The following ALOX5AP variants were observed in gnomAD, a reference collection of about 807,000 sequenced individuals.
ALOX5AP encodes arachidonate 5-lipoxygenase-activating protein.
ALOX5AP carries 9 observed loss-of-function variants against 18.5 expected under a neutral mutation model. The ratio of observed to expected loss-of-function variants is 0.49; its 90% CI spans 0.29 to 0.85. ALOX5AP has a LOEUF of 0.85. Ranked by LOEUF, ALOX5AP falls within the 40% of genes least tolerant of loss-of-function variation. ALOX5AP has a pLI of 0.08. For missense variants in ALOX5AP, 172 were observed against 202.5 expected, an observed-to-expected ratio of 0.85 and a Z score of 0.91; for synonymous variants, 81 against 78.6, an observed-to-expected ratio of 1.03 and a Z score of -0.16.
chr13:30,746,701 C>T (rs1167147894), intron 2 of ALOX5AP, among the ~76,000 whole-genome samples: 3 of 152,208 alleles, frequency 2.0e-5, no homozygotes, highest in Non-Finnish European at 4.4e-5. Flanking sequence ...ACCCATGAGG[C>T]TGCAGGAAGA....
At chr13:30,735,276 ATGG>A (rs1342187802), upstream of ALOX5AP, among the ~76,000 whole-genome samples, 1 of 152,036 alleles carries the variant, frequency 6.6e-6, no homozygotes, top group African/African-American at 2.4e-5. Flanking sequence ...CGTGCTGGTC[ATGG>A]TCTTGGGTCC....
chr13:30,720,355 C>A (rs1195804004), intron 1 of ALOX5AP, among the ~76,000 whole-genome samples: 1 of 152,174 alleles, frequency 6.6e-6, no homozygotes, highest in Admixed American at 6.5e-5. Flanking sequence ...TGTGTGAGAA[C>A]ATCTGTTTTT....
intron 2 of ALOX5AP, 87 bp from the exon 3 acceptor site, chr13:30,751,965 A>T: frequency 7.9e-7 from 1 of 1,267,286 alleles, no homozygotes; most frequent in Non-Finnish European, 1.1e-6. Flanking sequence ...GATGGTGATT[A>T]TTAACTTCAA....
At chr13:30,746,434 G>A (rs1358331425) in intron 2 of ALOX5AP, among the ~76,000 whole-genome samples, 2 of 152,256 alleles carry the variant, frequency 1.3e-5, no homozygotes, top group Non-Finnish European at 2.9e-5. Context: ...AAACTGTCTG[G>A]ACACTGCTGC....
In ALOX5AP at chr13:30,763,806, A is replaced by C. The variant is rs943092114; in HGVS notation, c.324-138A>C. 3.4e-5 allele frequency: 27 copies of C among 797,962 alleles called. No homozygotes were observed. The African/African-American group carries it at 4.2e-4, about 12-fold the overall frequency. 49.4% of individuals were successfully genotyped at this position (797,962 alleles called of 1,614,324 possible). On this transcript the variant is annotated intron_variant, in intron 4 of 4. Transcript: ENST00000380490. The stretch of plus-strand genomic sequence containing the variant: ...ACACTTCTACCCTTCAAATGAAGTA[A>C]ATGGGAAAATGGAGCATTGTTGAGT...
rs990621919 is a variant in ALOX5AP at position 30,760,389 on chromosome 13, G to A, written c.324-3555G>A. Among the ~76,000 whole-genome samples the A allele has an allele frequency of 3.3e-5, 5 of 152,224 alleles. No individual in the cohort carries two copies. The East Asian group carries it at 7.7e-4, about 24-fold the overall frequency. ...GGGATTATAGGCATGAGCCACCCAC[G>A]ATGCCTGGGTGGAACTCAGGGCTCT... is the stretch of plus-strand genomic sequence containing the variant. On this transcript the variant is annotated intron_variant, in intron 4 of 4. Transcript: ENST00000380490.
chr13:30,741,771 T>C (rs1951767455), intron 1 of ALOX5AP, among the ~76,000 whole-genome samples: 2 of 151,162 alleles, frequency 1.3e-5, no homozygotes, highest in South Asian at 2.1e-4. Context: ...TACTGTATTG[T>C]TAAAAGACAG....
At position 30,724,544 on chromosome 13, in the gene ALOX5AP, G is replaced by T. The variant is rs574626138; in HGVS notation, c.116+10703G>T. Among the ~76,000 whole-genome samples the T allele has an allele frequency of 5.9e-5, 9 of 152,324 alleles. No homozygotes were observed. In the South Asian group the frequency reaches 1.5e-3, roughly 25 times the overall value. On this transcript the variant is annotated intron_variant, in intron 1 of 5. Coordinates refer to the ALOX5AP transcript ENST00000617770. The stretch of plus-strand genomic sequence containing the variant: ...TGCTTAAAGTGGCTGTGATGGAAAA[G>T]GAGGCTGTTTGGAGCCTTTGGAGTG...
At chr13:30,730,178 T>A (rs1370604560) in intron 1 of ALOX5AP, among the ~76,000 whole-genome samples, 1 of 152,260 alleles carries the variant, frequency 6.6e-6, no homozygotes, top group Admixed American at 6.5e-5. Flanking sequence ...ATCAATAGCA[T>A]ATGAGGTTAC....
chr13:30,762,391 C>T (rs577574896), intron 4 of ALOX5AP, among the ~76,000 whole-genome samples: 1 of 152,060 alleles, frequency 6.6e-6, no homozygotes, highest in African/African-American at 2.4e-5. Context: ...GAGTTCGAGA[C>T]CAGCCTGGCC....
At chr13:30,749,955 G>T (rs1270628490) in intron 2 of ALOX5AP, among the ~76,000 whole-genome samples, 1 of 152,114 alleles carries the variant, frequency 6.6e-6, no homozygotes, top group African/African-American at 2.4e-5. Context: ...CTAATGGTTT[G>T]CATGAGCAGT....
intron 1 of ALOX5AP, among the ~76,000 whole-genome samples, chr13:30,728,459 G>GTA (rs141090965): frequency 0.15 from 23,087 of 152,018 alleles, 1,827 homozygotes; most frequent in South Asian, 0.21. Flanking sequence ...AAATGTCTGT[G>GTA]TATATATATT....
At chr13:30,724,057 T>A (rs1444787667) in intron 1 of ALOX5AP, among the ~76,000 whole-genome samples, 2 of 152,204 alleles carry the variant, frequency 1.3e-5, no homozygotes, top group African/African-American at 4.8e-5. Context: ...ACATTTCCAT[T>A]ACCCCAAAAA....
At chr13:30,752,440 G>C (rs908806572) in intron 3 of ALOX5AP, among the ~76,000 whole-genome samples, 1 of 152,216 alleles carries the variant, frequency 6.6e-6, no homozygotes, top group African/African-American at 2.4e-5. Context: ...TTATAAATGA[G>C]AGTGCCTGAG....
chr13:30,719,134 A>G (rs1347079264), intron 1 of ALOX5AP, among the ~76,000 whole-genome samples: 3 of 152,224 alleles, frequency 2.0e-5, no homozygotes, highest in Non-Finnish European at 4.4e-5. Flanking sequence ...AAAGGGACCT[A>G]CACTTTCCAA....
chr13:30,730,398 T>G (rs1210366315), intron 1 of ALOX5AP, among the ~76,000 whole-genome samples: 1 of 152,234 alleles, frequency 6.6e-6, no homozygotes, highest in Admixed American at 6.5e-5. Context: ...AGACCATGCC[T>G]GGTCTCTGTT....
chr13:30,718,774 C>G (rs1951570130), intron 1 of ALOX5AP, among the ~76,000 whole-genome samples: 1 of 152,158 alleles, frequency 6.6e-6, no homozygotes, highest in East Asian at 1.9e-4. Flanking sequence ...TCCCAGGCCT[C>G]CTGTAAAACC....
At chr13:30,749,100 A>T (rs1228592857) in intron 2 of ALOX5AP, among the ~76,000 whole-genome samples, 1 of 152,142 alleles carries the variant, frequency 6.6e-6, no homozygotes, top group Non-Finnish European at 1.5e-5. Context: ...GGAGGAACCC[A>T]TTTTCTTACA....
intron 1 of ALOX5AP, among the ~76,000 whole-genome samples, chr13:30,727,336 GCA>G (rs1951646951): frequency 6.6e-6 from 1 of 151,800 alleles, no homozygotes; most frequent in Admixed American, 6.6e-5. Flanking sequence ...GAGCCACTGT[GCA>G]CAGTCACCAC....
Sources: gnomAD v4.1 joint callset for allele counts (sites outside exome capture counted in the v4.1 genomes callset) on GRCh38, gnomAD v4.1.1 for gene constraint, MANE v1.5 for transcripts, NCBI Gene and HGNC (gene_info 2026-07-23, HGNC 2026-07-21) for gene names.